The following CEP70 variants were observed in gnomAD, a reference collection of about 807,000 sequenced individuals.
CEP70 encodes centrosomal protein of 70 kDa.
In CEP70, 70 loss-of-function variants were observed where a neutral mutation model predicts 90.9. The ratio of observed to expected loss-of-function variants is 0.77; its 90% CI spans 0.64 to 0.94. The LOEUF is 0.94. Among genes scored for constraint, CEP70 ranks in the 40% least tolerant of loss-of-function variants. The pLI is 0.00. For missense variants in CEP70, 648 were observed against 669.0 expected (o/e 0.97, Z 0.35); for synonymous variants, 220 against 228.3 (o/e 0.96, Z 0.33).
chr3:138,546,959 G>C (rs1031638621), intron 6 of CEP70, among the ~76,000 whole-genome samples: 2 of 151,906 alleles, frequency 1.3e-5, no homozygotes, highest in Non-Finnish European at 2.9e-5. Context: ...ACCCTCAGAG[G>C]AAAAAAGGTT....
At chr3:138,561,272 A>G (rs1039942678) in intron 6 of CEP70, among the ~76,000 whole-genome samples, 5 of 152,276 alleles carry the variant, frequency 3.3e-5, no homozygotes, top group Middle Eastern at 3.4e-3. Context: ...GGCCTCCAGC[A>G]AACTCCAGCA....
intron 6 of CEP70, among the ~76,000 whole-genome samples, chr3:138,541,605 A>G (rs1325044577): frequency 3.3e-5 from 5 of 152,230 alleles, no homozygotes; most frequent in Non-Finnish European, 7.3e-5. Flanking sequence ...ACAAAAAAAC[A>G]TTTGAAGGTA....
At chr3:138,572,993 A>G in intron 2 of CEP70, 61 bp from the exon 3 acceptor site, 1 of 1,101,814 alleles carries the variant, frequency 9.1e-7, no homozygotes, top group Non-Finnish European at 1.4e-6. Flanking sequence ...GCCTAAATGA[A>G]AAAAGACAAA....
chr3:138,537,274 C>T lies in CEP70; in HGVS notation c.539G>A (p.Cys180Tyr), dbSNP rs1006526893. ...ATCTTCTTCCTCCTTTTTTAATCTA[C>T]AGACTTCCATTTGCAAAGAAGCAAT... ...ETIASLQMEV[C>Y]RLKKEEEDRI... Residue 180 changes from cysteine (C) to tyrosine (Y), a missense_variant, in exon 7 of 18, where the codon TGT becomes TAT. By Grantham distance (194) the Cys-to-Tyr change is radical. Transcript: ENST00000264982. 6.2e-7 allele frequency: 1 copy of T among 1,609,708 alleles called. No homozygotes were observed. Among genetic ancestry groups the T allele is most frequent in the Non-Finnish European group, 8.5e-7 (1 of 1,178,178 alleles).
chr3:138,574,697 G>A lies in CEP70; in HGVS notation c.-5-1765C>T, dbSNP rs557636497. Among the ~76,000 whole-genome samples, 31 of 152,234 alleles carry A rather than the reference G, an allele frequency of 2.0e-4. No homozygotes were observed. In the East Asian group the frequency reaches 5.8e-3, roughly 28 times the overall value. On this transcript the variant is annotated intron_variant, in intron 2 of 17. Coordinates refer to ENST00000264982, the MANE Select transcript of CEP70 (RefSeq NM_024491.4). ...TGGGAGACACCTCCCAGTAGGGCCC[G>A]ACTGACACCTCATACAGCCAGGTGC... is the stretch of plus-strand genomic sequence containing the variant.
At chr3:138,592,086 A>G (rs576337716) in intron 1 of CEP70, 130 bp from the exon 2 acceptor site, 60 of 508,664 alleles carry the variant, frequency 1.2e-4, no homozygotes, top group Admixed American at 9.3e-4. Flanking sequence ...CACAACTGAA[A>G]TAACTGCTAA....
intron 6 of CEP70, among the ~76,000 whole-genome samples, chr3:138,564,891 A>G (rs1483844959): frequency 6.6e-6 from 1 of 151,288 alleles, no homozygotes; most frequent in Non-Finnish European, 1.5e-5. Context: ...CAAATAGGAA[A>G]AGAGGAAGTC....
At chr3:138,575,036 C>T (rs1296650622) in intron 2 of CEP70, among the ~76,000 whole-genome samples, 1 of 152,124 alleles carries the variant, frequency 6.6e-6, no homozygotes, top group African/African-American at 2.4e-5. Context: ...AATCAAAGCG[C>T]CTCTTCTCCT....
intron 6 of CEP70, among the ~76,000 whole-genome samples, chr3:138,539,363 A>C (rs1369630118): frequency 2.0e-5 from 3 of 152,178 alleles, no homozygotes; most frequent in Non-Finnish European, 2.9e-5. Flanking sequence ...ATATTCCTTA[A>C]TCATTGCTTC....
intron 6 of CEP70, among the ~76,000 whole-genome samples, chr3:138,569,043 C>G (rs1034096237): frequency 3.9e-5 from 6 of 151,982 alleles, no homozygotes; most frequent in Admixed American, 2.6e-4. Context: ...ATTTAGCATT[C>G]TAATGGTAGA....
intron 7 of CEP70, among the ~76,000 whole-genome samples, chr3:138,536,095 G>C (rs1321497391): frequency 6.6e-6 from 1 of 151,892 alleles, no homozygotes; most frequent in Non-Finnish European, 1.5e-5. Flanking sequence ...AATTATTCAA[G>C]ATTTCCAGTC....
chr3:138,503,339 G>A (rs903104189), intron 13 of CEP70, among the ~76,000 whole-genome samples: 5 of 152,118 alleles, frequency 3.3e-5, no homozygotes, highest in Admixed American at 3.3e-4. Flanking sequence ...CATGTTGCAA[G>A]GGTCAGAATT....
chr3:138,500,463 T>A lies in CEP70; in HGVS notation c.1473A>T (p.Glu491Asp), dbSNP rs370409745. ...TCATTTCTCCAAGCCTAGTATAAAC[T>A]TCATTCATTCGGGGATAGACTCCAT... ...SLNGVYPRMNEVYTRLGEMNN... is the reference protein window; with the variant it reads ...SLNGVYPRMNDVYTRLGEMNN... Residue 491 changes from glutamate (E) to aspartate (D), a missense_variant, in exon 15 of 18, where the codon GAA (glutamate) becomes GAT (aspartate). Glu to Asp is a conservative substitution (Grantham distance 45). Transcript: ENST00000264982. 1.2e-6 allele frequency: 2 copies of A among 1,611,110 alleles called. No homozygotes were observed. Among genetic ancestry groups the A allele is most frequent in the Non-Finnish European group, 1.7e-6 (2 of 1,179,322 alleles).
chr3:138,555,766 A>G (rs2039960032), intron 6 of CEP70, among the ~76,000 whole-genome samples: 1 of 152,198 alleles, frequency 6.6e-6, no homozygotes, highest in Non-Finnish European at 1.5e-5. Context: ...AAAAAACAGT[A>G]GATGTTGGTG....
intron 6 of CEP70, among the ~76,000 whole-genome samples, chr3:138,553,779 T>C (rs1397916840): frequency 6.6e-6 from 1 of 152,202 alleles, no homozygotes; most frequent in East Asian, 1.9e-4. Flanking sequence ...CATGATCAAG[T>C]GGGTCTTATA....
In CEP70 at chr3:138,544,537, A is replaced by ATG. The variant is rs780695393; in HGVS notation, c.466-7192_466-7191dup. Among the ~76,000 whole-genome samples the ATG allele has an allele frequency of 6.1e-3, 916 of 149,252 alleles. 5 individuals are homozygous for ATG. Among genetic ancestry groups the ATG allele is most frequent in the African/African-American group, 0.022 (853 of 39,668 alleles). On this transcript the variant is annotated intron_variant, in intron 6 of 17. Transcript: ENST00000264982. ...TATGTATGTATGTATGTATGTATGTATGTGTGTGTGTGTGTATATATATAC... is the reference window on the plus strand; with the variant it reads ...TATGTATGTATGTATGTATGTATGTATGTGTGTGTGTGTGTGTATATATATAC...
chr3:138,521,908 G>A (rs1350249091), intron 11 of CEP70, among the ~76,000 whole-genome samples: 1 of 152,222 alleles, frequency 6.6e-6, no homozygotes, highest in Admixed American at 6.5e-5. Flanking sequence ...GAAAGAAGTA[G>A]ACATAGGAGA....
At chr3:138,514,580 T>A (rs567101639) in intron 11 of CEP70, among the ~76,000 whole-genome samples, 68 of 152,244 alleles carry the variant, frequency 4.5e-4, no homozygotes, top group Admixed American at 1.3e-3. Flanking sequence ...GAAATAAAAA[T>A]TTTTAAAGTT....
chr3:138,561,092 T>C (rs1373152931), intron 6 of CEP70, among the ~76,000 whole-genome samples: 3 of 152,092 alleles, frequency 2.0e-5, no homozygotes, highest in Admixed American at 2.0e-4. Context: ...TGTCTCCTGA[T>C]TGGGAGACAC....
Sources: gnomAD v4.1 joint callset for allele counts (sites outside exome capture counted in the v4.1 genomes callset) on GRCh38, gnomAD v4.1.1 for gene constraint, MANE v1.5 for transcripts, NCBI Gene and HGNC (gene_info 2026-07-23, HGNC 2026-07-21) for gene names.